DNAH5: variants seen among roughly 807,000 people sequenced by gnomAD.
DNAH5 encodes the protein axonemal beta dynein heavy chain 5.
Under a neutral mutation model 518.2 loss-of-function variants are expected in DNAH5, and 372 were observed. The ratio of observed to expected loss-of-function variants is 0.72; its 90% confidence interval spans 0.66 to 0.78. DNAH5 has a LOEUF of 0.78. DNAH5 is among the 30% of genes least tolerant of loss of function. The probability of loss-of-function intolerance (pLI) is 0.00; values close to 1 mark genes in which losing one functional copy is unlikely to be tolerated. For synonymous variants in DNAH5, 2,039 were observed against 2,025.9 expected (o/e 1.01, Z -0.17); for missense variants, 5,523 against 5,687.0 (o/e 0.97, Z 0.93).
chr5:13,715,701 G>A (rs1033615922), intron 74 of DNAH5, among the ~76,000 whole-genome samples: 11 of 152,192 alleles, frequency 7.2e-5, no homozygotes, highest in Admixed American at 3.3e-4. Flanking sequence ...GAAAGGAGAC[G>A]CAGTCACCTT....
At chr5:13,762,510 C>G (rs1337935987) in intron 60 of DNAH5, among the ~76,000 whole-genome samples, 3 of 152,092 alleles carry the variant, frequency 2.0e-5, no homozygotes, top group Admixed American at 6.6e-5. Context: ...GAGAGTCTGT[C>G]CCTGCTTAGA....
At chr5:13,911,591 GA>G (rs34152978) in intron 11 of DNAH5, 98 bp from the exon 12 acceptor site, 2 of 924,580 alleles carry the variant, frequency 2.2e-6, no homozygotes, top group South Asian at 3.0e-5. Context: ...ATAATTGCCA[GA>G]AAAAAAATAA....
intron 1 of DNAH5, among the ~76,000 whole-genome samples, chr5:13,967,826 C>T (rs997399909): frequency 3.1e-5 from 4 of 128,564 alleles, no homozygotes; most frequent in African/African-American, 5.1e-5. Flanking sequence ...ATGAATTTTA[C>T]GATTGCTTTT....
chr5:13,699,066 A>T (rs1444317066), intron 78 of DNAH5, among the ~76,000 whole-genome samples: 1 of 152,146 alleles, frequency 6.6e-6, no homozygotes. Flanking sequence ...CAACCCCAGC[A>T]CTAGGGCAGT....
At position 13,729,496 on chromosome 5, in the gene DNAH5, T is replaced by C. The variant is rs140220517; in HGVS notation, c.11826A>G (p.Thr3942=). Residue 3942 remains threonine (T), a synonymous_variant, in exon 69 of 79, where the codon ACA becomes ACG. Coordinates refer to ENST00000265104, the MANE Select transcript of DNAH5 (RefSeq NM_001369.3). The part of the protein sequence containing the change: ...PKPSKWILDI[T]WLNLVELSKL... ...TGCTAAGTTCCACCAAATTCAGCCA[T>C]GTTATGTCCAGGATCCATTTTGATG... The C allele has an allele frequency of 3.2e-5, 52 of 1,613,918 alleles. No individual in the cohort carries two copies. The highest frequency in any genetic ancestry group is 2.2e-5 in the East Asian group (1 of 44,874).
In DNAH5 at chr5:13,886,135, C is replaced by CA. The variant is rs71600031; in HGVS notation, c.2578-7dup. The CA allele has an allele frequency of 0.019, 25,303 of 1,329,462 alleles. 73 individuals are homozygous for CA. Among genetic ancestry groups the CA allele is most frequent in the African/African-American group, 0.054 (3,228 of 59,958 alleles). The allele number at this position is 1,329,462 out of a possible 1,614,324, so 82.4% of individuals were successfully genotyped here. On this transcript the variant is annotated splice_polypyrimidine_tract_variant and splice_region_variant and intron_variant, in intron 17 of 78. Transcript: ENST00000265104. ...GCACCATTTACACAAAGATCCTAAC[C>CA]AAAAAAAAAAAAAAAAAAAGATAGC... is the stretch of plus-strand genomic sequence containing the variant.
At position 13,793,879 on chromosome 5, in the gene DNAH5, C is replaced by T. The variant is rs1580276899; in HGVS notation, c.8010+57G>A. The T allele has an allele frequency of 3.8e-6, 6 of 1,594,056 alleles. No homozygotes were observed. The East Asian group carries it at 6.8e-5, about 18-fold the overall frequency. ...TTAAAAAAAATTTTTAAAAACTCTTCTAAGAATAAATCAATACCAAATTAA... is the reference window on the plus strand; with the variant it reads ...TTAAAAAAAATTTTTAAAAACTCTTTTAAGAATAAATCAATACCAAATTAA... On this transcript the variant is annotated intron_variant, in intron 48 of 78. Coordinates refer to ENST00000265104, the MANE Select transcript of DNAH5 (RefSeq NM_001369.3).
At position 13,714,439 on chromosome 5, in the gene DNAH5, A is replaced by G; in HGVS notation, c.13091T>C (p.Leu4364Pro). The G allele has an allele frequency of 6.2e-7, 1 of 1,614,172 alleles. No individual in the cohort carries two copies. The highest frequency in any genetic ancestry group is 8.5e-7 in the Non-Finnish European group (1 of 1,180,010). ...GACATAGTCTGGGGGCAGCTTCTCC[A>G]GCATATCATCAGCCAGCCGGGCCAC... ...AVVARLADDM[L>P]EKLPPDYVPF... Residue 4364 changes from leucine (L) to proline (P), a missense_variant, in exon 75 of 79, where the codon CTG becomes CCG. Physicochemically the swap from Leu to Pro is moderately conservative, Grantham distance 98. Coordinates refer to ENST00000265104, the MANE Select transcript of DNAH5 (RefSeq NM_001369.3).
chr5:13,933,088 A>G (rs939845986), intron 1 of DNAH5, among the ~76,000 whole-genome samples: 17 of 152,220 alleles, frequency 1.1e-4, no homozygotes, highest in Non-Finnish European at 8.8e-5. Flanking sequence ...ACGTCTCCAG[A>G]CATTGCCAAA....
intron 65 of DNAH5, among the ~76,000 whole-genome samples, chr5:13,743,767 A>G (rs1748942315): frequency 6.6e-6 from 1 of 152,074 alleles, no homozygotes; most frequent in Non-Finnish European, 1.5e-5. Context: ...ATATCATCTC[A>G]CCCCAGCTGG....
intron 39 of DNAH5, among the ~76,000 whole-genome samples, chr5:13,823,956 A>T (rs1484485701): frequency 6.6e-6 from 1 of 152,214 alleles, no homozygotes; most frequent in African/African-American, 2.4e-5. Context: ...TGGCATCTTA[A>T]CATGTGTATT....
intron 35 of DNAH5, among the ~76,000 whole-genome samples, chr5:13,832,143 A>G (rs1763757942): frequency 6.6e-6 from 1 of 151,484 alleles, no homozygotes; most frequent in South Asian, 2.1e-4. Context: ...GAACTTAAAA[A>G]TTAAAAACTG....
Position 13,901,338 on chromosome 5 carries a change from C to A in DNAH5, c.1966G>T (p.Ala656Ser), listed in dbSNP as rs376358266. ...QHPAVLSTAE[A>S]KPIIRSYNRM... ...TTGTAACTGCGAATTATAGGTTTGG[C>A]TTCTGCCGTGCTTAGCACAGCTGGG... The change falls in exon 14 of 79, where the codon GCC becomes TCC. Residue 656 changes from alanine to serine, a missense_variant. Ala to Ser is a moderately conservative substitution (Grantham distance 99). Transcript: ENST00000265104. 1 of 1,614,170 alleles carries A rather than the reference C, an allele frequency of 6.2e-7. No homozygotes were observed. Among genetic ancestry groups the A allele is most frequent in the Non-Finnish European group, 8.5e-7 (1 of 1,180,022 alleles).
rs1769515132 is a variant in DNAH5, at chr5:13,867,915, A to C, written c.3912T>G (p.Tyr1304Ter). The C allele has an allele frequency of 6.2e-7, 1 of 1,614,110 alleles. No individual in the cohort carries two copies. Among genetic ancestry groups the C allele is most frequent in the Non-Finnish European group, 8.5e-7 (1 of 1,179,986 alleles). ...EEIDKVDTLHYAWEKLLARAG... is the reference protein window; with the variant it reads ...EEIDKVDTLH ...CACGTGCCAGCAGCTTCTCCCAAGC[A>C]TAGTGCAGTGTATCAACTTTGTCTA... Residue 1304 changes from tyrosine to a stop codon, truncating the protein, a stop_gained, in exon 25 of 79, where the codon TAT becomes TAG. Coordinates refer to ENST00000265104, the MANE Select transcript of DNAH5 (RefSeq NM_001369.3). LOFTEE classifies it high-confidence loss of function.
intron 31 of DNAH5, among the ~76,000 whole-genome samples, chr5:13,850,078 T>C (rs1022995325): frequency 6.6e-6 from 1 of 152,222 alleles, no homozygotes; most frequent in African/African-American, 2.4e-5. Context: ...GCTCAGGTGC[T>C]TGAGTTTAAC....
chr5:13,878,214 G>C (rs964563780), intron 21 of DNAH5, among the ~76,000 whole-genome samples: 2 of 152,114 alleles, frequency 1.3e-5, no homozygotes, highest in African/African-American at 4.8e-5. Context: ...CCCAACTTCT[G>C]CAGCCACCTC....
intron 1 of DNAH5, among the ~76,000 whole-genome samples, chr5:14,006,312 G>A (rs1784721476): frequency 6.6e-6 from 1 of 152,176 alleles, no homozygotes; most frequent in Admixed American, 6.5e-5. Flanking sequence ...GATGAACTAG[G>A]CAAACTGCTT....
intron 1 of DNAH5, among the ~76,000 whole-genome samples, chr5:13,965,313 A>G (rs1781456724): frequency 1.3e-5 from 2 of 152,190 alleles, no homozygotes; most frequent in Non-Finnish European, 2.9e-5. Flanking sequence ...GACATGATTG[A>G]TAAGCACCTG....
chr5:13,742,369 C>G (rs1748688581), intron 65 of DNAH5, among the ~76,000 whole-genome samples: 1 of 126,980 alleles, frequency 7.9e-6, no homozygotes, highest in Non-Finnish European at 1.8e-5. Context: ...ATGGACTACT[C>G]TAACAAAACT....
Sources: gnomAD v4.1 joint callset for allele counts (sites outside exome capture counted in the v4.1 genomes callset) on GRCh38, gnomAD v4.1.1 for gene constraint, MANE v1.5 for transcripts, NCBI Gene and HGNC (gene_info 2026-07-23, HGNC 2026-07-21) for gene names.